Variants in PARD3 observed in about 807,000 individuals in gnomAD.
The protein encoded by PARD3 is partitioning defective 3 homolog.
A neutral mutation model predicts 155.4 loss-of-function variants in PARD3; 75 were observed. The observed-to-expected ratio is 0.48, with a 90% CI of 0.40 to 0.58. The LOEUF (loss-of-function observed/expected upper bound fraction) is 0.58, where lower values mean the gene tolerates loss of function less well. PARD3 is among the 20% of genes least tolerant of loss of function. The probability of loss-of-function intolerance (pLI) is 0.00; values close to 1 mark genes in which losing one functional copy is unlikely to be tolerated. For missense variants in PARD3, 1,642 were observed against 1,721.7 expected, an observed-to-expected ratio of 0.95 and a Z score of 0.82; for synonymous variants, 576 against 610.5, an observed-to-expected ratio of 0.94 and a Z score of 0.83.
chr10:34,530,277 C>A (rs577319041), intron 2 of PARD3, among the ~76,000 whole-genome samples: 2 of 152,166 alleles, frequency 1.3e-5, no homozygotes, highest in South Asian at 4.2e-4. Flanking sequence ...CCATACAATA[C>A]CAACCCTTCT....
At position 34,668,199 on chromosome 10, in the gene PARD3, G is replaced by C. The variant is rs183064194; in HGVS notation, c.222+28119C>G. Among the ~76,000 whole-genome samples, 16 of 152,156 alleles carry C rather than the reference G, an allele frequency of 1.1e-4. 1 individual carries two copies. The highest frequency in any genetic ancestry group is 9.2e-4 in the Admixed American group (14 of 15,268). ...CATCAAGACTCCAGGACTATGTGCCGAGACAAGCCTCTTTTCTGGCAAATG... is the reference window on the plus strand; with the variant it reads ...CATCAAGACTCCAGGACTATGTGCCCAGACAAGCCTCTTTTCTGGCAAATG... On this transcript the variant is annotated intron_variant, in intron 2 of 24. Transcript: ENST00000374788.
At chr10:34,553,076 CACATCCTGTGTG>C (rs1455219937) in intron 2 of PARD3, among the ~76,000 whole-genome samples, 2 of 152,154 alleles carry the variant, frequency 1.3e-5, no homozygotes, top group Admixed American at 6.5e-5. Context: ...TAAGGACAGG[CACATCCTGTGTG>C]ACATCCTGGC....
At chr10:34,786,381 G>C (rs1259199212) in intron 1 of PARD3, among the ~76,000 whole-genome samples, 1 of 152,174 alleles carries the variant, frequency 6.6e-6, no homozygotes, top group African/African-American at 2.4e-5. Context: ...GTCAACAGAT[G>C]ATGAAGGAAT....
chr10:34,471,852 T>G (rs1384468104), intron 3 of PARD3, among the ~76,000 whole-genome samples: 2 of 152,200 alleles, frequency 1.3e-5, no homozygotes, highest in African/African-American at 2.4e-5. Flanking sequence ...AGCCACCACG[T>G]CCGGTCTAAT....
intron 22 of PARD3, among the ~76,000 whole-genome samples, chr10:34,182,013 G>A (rs976698092): frequency 2.6e-5 from 4 of 152,090 alleles, no homozygotes; most frequent in Non-Finnish European, 4.4e-5. Flanking sequence ...AATTTACTTC[G>A]GCTAACACTG....
At chr10:34,542,237 G>GCACGTA (rs1197605995) in intron 2 of PARD3, among the ~76,000 whole-genome samples, 2 of 147,316 alleles carry the variant, frequency 1.4e-5, no homozygotes, top group Non-Finnish European at 3.0e-5. Context: ...GTGTGTGTGT[G>GCACGTA]TGCACACACA....
intron 1 of PARD3, among the ~76,000 whole-genome samples, chr10:34,742,048 T>G (rs1564569196): frequency 6.6e-6 from 1 of 152,212 alleles, no homozygotes; most frequent in Non-Finnish European, 1.5e-5. Flanking sequence ...TATTTAGTTT[T>G]CAAGGTGTTT....
intron 2 of PARD3, among the ~76,000 whole-genome samples, chr10:34,664,945 CA>C (rs2093413481): frequency 6.6e-6 from 1 of 151,482 alleles, no homozygotes; most frequent in African/African-American, 2.4e-5. Flanking sequence ...AATTTGTAGA[CA>C]GTACAGAACT....
intron 2 of PARD3, among the ~76,000 whole-genome samples, chr10:34,534,725 T>G (rs763580714): frequency 7.2e-5 from 11 of 152,088 alleles, no homozygotes; most frequent in African/African-American, 2.2e-4. Flanking sequence ...TCATCCTAAT[T>G]TAGGGCCAGG....
At chr10:34,364,096 A>G (rs2134538552) in intron 12 of PARD3, among the ~76,000 whole-genome samples, 1 of 152,298 alleles carries the variant, frequency 6.6e-6, no homozygotes, top group South Asian at 2.1e-4. Context: ...GAGCTGGCCT[A>G]TAGGCCCAAA....
intron 16 of PARD3, among the ~76,000 whole-genome samples, chr10:34,340,312 C>T (rs1028006804): frequency 1.3e-5 from 2 of 152,172 alleles, no homozygotes; most frequent in Non-Finnish European, 2.9e-5. Context: ...ATGAACACTG[C>T]GTCTATCTAA....
intron 21 of PARD3, among the ~76,000 whole-genome samples, chr10:34,283,073 T>G (rs1956229975): frequency 6.6e-6 from 1 of 152,026 alleles, no homozygotes; most frequent in South Asian, 2.1e-4. Context: ...TCAGAGGTAT[T>G]AGAAGGATGA....
In PARD3 at chr10:34,317,629, A is replaced by G. The variant is rs770603133; in HGVS notation, c.2834-291T>C. On this transcript the variant is annotated intron_variant, in intron 19 of 24. Transcript: ENST00000374788. ...CCCTCTAAGAATCAGATTGTACACT[A>G]CTAGGGGGGTGCCAGCAAGACCTTG... 4.1e-4 allele frequency among the ~76,000 whole-genome samples: 63 copies of G among 152,132 alleles called. 1 individual carries two copies. The highest frequency in any genetic ancestry group is 2.1e-4 in the South Asian group (1 of 4,834).
intron 1 of PARD3, among the ~76,000 whole-genome samples, chr10:34,800,638 T>C (rs193300582): frequency 3.0e-4 from 46 of 152,134 alleles, no homozygotes; most frequent in Admixed American, 2.6e-4. Flanking sequence ...AAAATAATAA[T>C]GGTAATACTA....
rs758036695 is a variant in PARD3, at chr10:34,214,156, C to T, written c.3419+55501G>A. ...CTTCGAGTGATACTCCTGCCTCAGG[C>T]TCCCAAGCACTGGGATTACAGGTGT... On this transcript the variant is annotated intron_variant, in intron 22 of 24. Coordinates refer to ENST00000374788, the MANE Select transcript of PARD3 (RefSeq NM_001184785.2). Among the ~76,000 whole-genome samples the T allele has an allele frequency of 1.2e-3, 184 of 152,168 alleles. 2 individuals are homozygous for T. Among genetic ancestry groups the T allele is most frequent in the Non-Finnish European group, 3.5e-4 (24 of 68,024 alleles).
intron 1 of PARD3, among the ~76,000 whole-genome samples, chr10:34,739,371 A>G (rs181732038): frequency 3.4e-4 from 52 of 152,352 alleles, no homozygotes; most frequent in African/African-American, 1.2e-3. Context: ...AGTTTATGTT[A>G]AAGAATGACC....
At chr10:34,739,861 T>A (rs760878274) in intron 1 of PARD3, among the ~76,000 whole-genome samples, 37 of 152,156 alleles carry the variant, frequency 2.4e-4, no homozygotes, top group Non-Finnish European at 4.7e-4. Context: ...CCACATAGAA[T>A]GTTTTCTGAA....
At chr10:34,238,167 C>T (rs1340636759) in intron 22 of PARD3, among the ~76,000 whole-genome samples, 1 of 152,178 alleles carries the variant, frequency 6.6e-6, no homozygotes, top group Non-Finnish European at 1.5e-5. Context: ...CAAAAGAACG[C>T]CACTCTAATC....
At chr10:34,424,757 C>T (rs2075507746) in intron 5 of PARD3, among the ~76,000 whole-genome samples, 1 of 152,112 alleles carries the variant, frequency 6.6e-6, no homozygotes, top group Non-Finnish European at 1.5e-5. Flanking sequence ...TCAGGTGATC[C>T]ACCCACCTCA....
Sources: allele counts gnomAD v4.1 joint callset (sites outside exome capture counted in the v4.1 genomes callset), GRCh38; gene constraint gnomAD v4.1.1; transcripts MANE v1.5; gene names NCBI Gene and HGNC (gene_info 2026-07-23, HGNC 2026-07-21).